The following KCNJ3 variants were observed in gnomAD, a reference collection of about 807,000 sequenced individuals.
The protein encoded by KCNJ3 is potassium inwardly rectifying channel subfamily J member 3.
A neutral mutation model predicts 39.2 loss-of-function variants in KCNJ3; 4 were observed. That is an observed-to-expected ratio of 0.10 (90% CI 0.05 to 0.23). The LOEUF (loss-of-function observed/expected upper bound fraction) is 0.23, where lower values mean the gene tolerates loss of function less well. Among genes scored for constraint, KCNJ3 ranks in the 10% least tolerant of loss-of-function variants. The probability of loss-of-function intolerance (pLI) is 1.00; values close to 1 mark genes in which losing one functional copy is unlikely to be tolerated. For synonymous variants in KCNJ3, 230 were observed against 237.4 expected (o/e 0.97, Z 0.29); for missense variants, 276 against 634.9 (o/e 0.43, Z 6.08).
chr2:154,756,241 T>C (rs958488284), intron 2 of KCNJ3, among the ~76,000 whole-genome samples: 3 of 152,136 alleles, frequency 2.0e-5, no homozygotes, highest in Non-Finnish European at 4.4e-5. Flanking sequence ...ATAATGATAA[T>C]GGTAGTAGCA....
intron 2 of KCNJ3, among the ~76,000 whole-genome samples, chr2:154,713,623 G>T (rs1019895814): frequency 6.6e-6 from 1 of 152,116 alleles, no homozygotes; most frequent in Non-Finnish European, 1.5e-5. Context: ...TGCCCTCCTT[G>T]CTTCAAATGA....
At position 154,779,041 on chromosome 2, in the gene KCNJ3, T is replaced by C. The variant is rs199546794; in HGVS notation, c.919+69222T>C. ...TCATAGGAGGGTGCTTGGCAAATGG[T>C]CAGTACCTAATAAAACCTTAGCAGT... is the stretch of plus-strand genomic sequence containing the variant. On this transcript the variant is annotated intron_variant, in intron 2 of 2. Coordinates refer to ENST00000295101, the MANE Select transcript of KCNJ3 (RefSeq NM_002239.4). Among the ~76,000 whole-genome samples, 6 of 152,198 alleles carry C rather than the reference T, an allele frequency of 3.9e-5. No individual in the cohort carries two copies. The East Asian group carries it at 1.2e-3, about 29-fold the overall frequency.
intron 2 of KCNJ3, among the ~76,000 whole-genome samples, chr2:154,836,992 A>C (rs1013050519): frequency 3.9e-5 from 6 of 152,334 alleles, no homozygotes; most frequent in African/African-American, 1.2e-4. Flanking sequence ...AAATAGATAC[A>C]GTGTATTTTA....
rs764955420 is a variant in KCNJ3, at chr2:154,709,788, C to T, written c.888C>T (p.Val296=). ...TGCAAACTGAACAGTTCGAGATTGT[C>T]GTCATCCTAGAAGGCATTGTGGAAA... is the stretch of plus-strand genomic sequence containing the variant. ...RSMQTEQFEI[V]VILEGIVETT... Residue 296 remains valine, a synonymous_variant, in exon 2 of 3, where the codon GTC becomes GTT. Transcript: ENST00000295101. 9.3e-6 allele frequency: 15 copies of T among 1,613,554 alleles called. No homozygotes were observed. The highest frequency in any genetic ancestry group is 8.3e-5 in the Admixed American group (5 of 59,974).
At chr2:154,717,592 C>T (rs16838032) in intron 2 of KCNJ3, among the ~76,000 whole-genome samples, 13,829 of 152,090 alleles carry the variant, frequency 0.091, 683 homozygotes, top group African/African-American at 0.11. Context: ...TTCTTCCTCC[C>T]GAAGTTCTGT....
intron 2 of KCNJ3, among the ~76,000 whole-genome samples, chr2:154,770,815 A>G (rs1686227253): frequency 1.3e-5 from 2 of 151,942 alleles, no homozygotes; most frequent in Admixed American, 6.6e-5. Flanking sequence ...GATTTATATG[A>G]TAAATTTGTG....
At chr2:154,716,276 ATTTTTT>A (rs535989708) in intron 2 of KCNJ3, among the ~76,000 whole-genome samples, 51 of 115,456 alleles carry the variant, frequency 4.4e-4, no homozygotes, top group Non-Finnish European at 6.2e-4. Flanking sequence ...CGGCCGGCTA[ATTTTTT>A]TTTTTTTTTT....
chr2:154,752,819 A>C (rs922139106), intron 2 of KCNJ3, among the ~76,000 whole-genome samples: 4 of 152,040 alleles, frequency 2.6e-5, no homozygotes, highest in African/African-American at 9.6e-5. Flanking sequence ...ACTATAAGTA[A>C]AGGAAGTTAT....
At chr2:154,778,052 A>C (rs1190204255) in intron 2 of KCNJ3, among the ~76,000 whole-genome samples, 1 of 152,148 alleles carries the variant, frequency 6.6e-6, no homozygotes, top group Non-Finnish European at 1.5e-5. Context: ...AAGGAGAGTA[A>C]CAATTAGAAA....
intron 2 of KCNJ3, among the ~76,000 whole-genome samples, chr2:154,823,950 C>T (rs1687225937): frequency 6.6e-6 from 1 of 152,164 alleles, no homozygotes; most frequent in Admixed American, 6.5e-5. Context: ...AGAGCTACAA[C>T]TTCCTTGAAG....
At chr2:154,702,953 C>T (rs563423817) in intron 1 of KCNJ3, among the ~76,000 whole-genome samples, 6 of 151,934 alleles carry the variant, frequency 3.9e-5, no homozygotes, top group African/African-American at 1.4e-4. Context: ...GTCATCCAAT[C>T]GAAAGTTTTT....
intron 2 of KCNJ3, among the ~76,000 whole-genome samples, chr2:154,841,607 G>C (rs1687578377): frequency 6.6e-6 from 1 of 152,100 alleles, no homozygotes; most frequent in African/African-American, 2.4e-5. Flanking sequence ...CTCAATTTCA[G>C]AGCCTGTTAT....
intron 2 of KCNJ3, among the ~76,000 whole-genome samples, chr2:154,732,597 G>T (rs1685465259): frequency 6.6e-6 from 1 of 152,060 alleles, no homozygotes; most frequent in African/African-American, 2.4e-5. Flanking sequence ...GGTAATGCTA[G>T]TATAGCAATA....
At chr2:154,840,449 TA>T (rs1687555481) in intron 2 of KCNJ3, among the ~76,000 whole-genome samples, 1 of 152,238 alleles carries the variant, frequency 6.6e-6, no homozygotes, top group Admixed American at 6.5e-5. Flanking sequence ...ATATGAACTT[TA>T]AAGTAGTTTT....
chr2:154,843,198 C>G (rs544057084), intron 2 of KCNJ3, among the ~76,000 whole-genome samples: 1 of 152,154 alleles, frequency 6.6e-6, no homozygotes, highest in East Asian at 1.9e-4. Flanking sequence ...ACTTATGAAG[C>G]TTAGTTTGGC....
chr2:154,734,755 G>T (rs1163067730), intron 2 of KCNJ3, among the ~76,000 whole-genome samples: 2 of 151,962 alleles, frequency 1.3e-5, no homozygotes, highest in Admixed American at 1.3e-4. Context: ...GATATAGAAT[G>T]AAAAAAACAT....
intron 2 of KCNJ3, among the ~76,000 whole-genome samples, chr2:154,738,371 C>T (rs1685583611): frequency 6.6e-6 from 1 of 152,032 alleles, no homozygotes; most frequent in Non-Finnish European, 1.5e-5. Flanking sequence ...AGGATGACTA[C>T]AGTCAATAAT....
At chr2:154,831,517 A>G (rs972601592) in intron 2 of KCNJ3, among the ~76,000 whole-genome samples, 14 of 152,162 alleles carry the variant, frequency 9.2e-5, no homozygotes, top group African/African-American at 3.4e-4. Flanking sequence ...TGTCAGTACT[A>G]GCTGTAGCAT....
chr2:154,825,464 G>A (rs1687254716), intron 2 of KCNJ3, among the ~76,000 whole-genome samples: 2 of 152,204 alleles, frequency 1.3e-5, no homozygotes, highest in East Asian at 1.9e-4. Context: ...AATATTAGGA[G>A]AAATATTGTG....
Sources: gnomAD v4.1 joint callset for allele counts (sites outside exome capture counted in the v4.1 genomes callset) on GRCh38, gnomAD v4.1.1 for gene constraint, MANE v1.5 for transcripts, NCBI Gene and HGNC (gene_info 2026-07-23, HGNC 2026-07-21) for gene names.